The following SLC9D1 variants were observed in gnomAD, a reference collection of about 807,000 sequenced individuals.
SLC9D1 encodes the protein solute carrier family 9 member D1, also known as putative LAG1-interacting protein.
chr13:113,515,203 T>C, the SLC9D1 span, among the ~76,000 whole-genome samples: 3 of 152,242 alleles, frequency 2.0e-5, no homozygotes, highest in Non-Finnish European at 4.4e-5. Context: ...AACAGCATTA[T>C]TTTTAGTAGC....
At chr13:113,533,543 G>A in the SLC9D1 span, among the ~76,000 whole-genome samples, 1 of 152,168 alleles carries the variant, frequency 6.6e-6, no homozygotes, top group South Asian at 2.1e-4. Context: ...CTGAGATCTG[G>A]GTAGTATATT....
At chr13:113,517,423 T>C in the SLC9D1 span, among the ~76,000 whole-genome samples, 1 of 151,992 alleles carries the variant, frequency 6.6e-6, no homozygotes, top group South Asian at 2.1e-4. Context: ...AGAGACGGGG[T>C]TTCACCGTGT....
chr13:113,537,363 G>C, the SLC9D1 span, among the ~76,000 whole-genome samples: 2 of 152,186 alleles, frequency 1.3e-5, no homozygotes, highest in Non-Finnish European at 2.9e-5. Flanking sequence ...GCCACTTCCT[G>C]GCCCCGTGGG....
At chr13:113,536,474 C>A in the SLC9D1 span, 2 of 666,540 alleles carry the variant, frequency 3.0e-6, no homozygotes, top group Non-Finnish European at 3.7e-6. Context: ...TTAACTATTT[C>A]AAGAGTGTGA....
At chr13:113,542,481 C>G in the SLC9D1 span, among the ~76,000 whole-genome samples, 1 of 152,260 alleles carries the variant, frequency 6.6e-6, no homozygotes, top group Non-Finnish European at 1.5e-5. Context: ...TCATCACCTC[C>G]TCATCACAGG....
At chr13:113,549,036 C>A in the SLC9D1 span, among the ~76,000 whole-genome samples, 1 of 152,154 alleles carries the variant, frequency 6.6e-6, no homozygotes, top group Non-Finnish European at 1.5e-5. Context: ...TTACTGTGGC[C>A]CGGGGTTGGC....
the SLC9D1 span, chr13:113,547,237 G>A: frequency 8.0e-7 from 1 of 1,253,236 alleles, no homozygotes; most frequent in Non-Finnish European, 1.2e-6. Context: ...GAAGTTGTGA[G>A]AAATAGTGTG....
At chr13:113,520,635 C>T in the SLC9D1 span, 15 of 1,613,778 alleles carry the variant, frequency 9.3e-6, no homozygotes, top group Middle Eastern at 1.7e-4. Context: ...ACTACAGCAC[C>T]GTGCTCCTCG....
chr13:113,535,633 C>G, the SLC9D1 span, among the ~76,000 whole-genome samples: 1 of 152,324 alleles, frequency 6.6e-6, no homozygotes, highest in South Asian at 2.1e-4. The surrounding 1 kb of genome is among the most constrained non-coding windows in gnomAD (Gnocchi z 4.1). Flanking sequence ...AAACCACCGG[C>G]ACACACCTCC....
the SLC9D1 span, among the ~76,000 whole-genome samples, chr13:113,524,524 C>T: frequency 6.6e-6 from 1 of 151,900 alleles, no homozygotes; most frequent in African/African-American, 2.4e-5. Flanking sequence ...TTAGTAGAGA[C>T]AAGGTTTCGC....
At chr13:113,503,557 G>C in the SLC9D1 span, 1 of 1,613,774 alleles carries the variant, frequency 6.2e-7, no homozygotes, top group East Asian at 2.2e-5. Flanking sequence ...TTTCTTGTTG[G>C]CTTAGAATTT....
chr13:113,516,610 C>T, the SLC9D1 span, among the ~76,000 whole-genome samples: 13 of 151,820 alleles, frequency 8.6e-5, no homozygotes, highest in Non-Finnish European at 1.8e-4. Context: ...TTGTATATAG[C>T]CCAAACTTAA....
the SLC9D1 span, chr13:113,503,440 T>C: frequency 6.5e-6 from 9 of 1,375,874 alleles, no homozygotes; most frequent in Non-Finnish European, 8.2e-6. Flanking sequence ...TTGAGTTAAG[T>C]ATACTTAATA....
At chr13:113,495,940 C>G in the SLC9D1 span, 1 of 1,613,886 alleles carries the variant, frequency 6.2e-7, no homozygotes, top group Non-Finnish European at 8.5e-7. Flanking sequence ...CTGCAGAGAG[C>G]CCTGCAGGGG....
the SLC9D1 span, among the ~76,000 whole-genome samples, chr13:113,512,354 A>C: frequency 7.0e-6 from 1 of 142,554 alleles, no homozygotes; most frequent in East Asian, 2.1e-4. Context: ...GTAGATGGAG[A>C]GGGTCAGTAT....
At chr13:113,507,955 TC>T in the SLC9D1 span, among the ~76,000 whole-genome samples, 1 of 152,180 alleles carries the variant, frequency 6.6e-6, no homozygotes, top group Non-Finnish European at 1.5e-5. Context: ...CAGGCAGCCA[TC>T]TGGGGGGCTT....
At chr13:113,519,845 A>C in the SLC9D1 span, among the ~76,000 whole-genome samples, 1 of 152,218 alleles carries the variant, frequency 6.6e-6, no homozygotes, top group Admixed American at 6.5e-5. Context: ...TTGGTCTCAC[A>C]GAGAAGGCTC....
At chr13:113,539,708 A>G in the SLC9D1 span, among the ~76,000 whole-genome samples, 1 of 152,148 alleles carries the variant, frequency 6.6e-6, no homozygotes, top group Non-Finnish European at 1.5e-5. The surrounding 1 kb of genome is among the most constrained non-coding windows in gnomAD (Gnocchi z 4.8). Context: ...TTATTTTATT[A>G]TACTGTTTCT....
chr13:113,493,339 A>G, the SLC9D1 span, among the ~76,000 whole-genome samples: 1 of 152,224 alleles, frequency 6.6e-6, no homozygotes. Context: ...TCTTTTGGGG[A>G]AACTGGGAAG....
Sources: allele counts gnomAD v4.1 joint callset (sites outside exome capture counted in the v4.1 genomes callset), GRCh38; gene constraint gnomAD v4.1.1; non-coding constraint Gnocchi (gnomAD v3.1); transcripts MANE v1.5; gene names NCBI Gene and HGNC (gene_info 2026-07-23, HGNC 2026-07-21).